Variants in FANCM observed in about 807,000 individuals in gnomAD.
The protein encoded by FANCM is Fanconi anemia group M protein.
In FANCM, 140 loss-of-function variants were observed where a neutral mutation model predicts 199.5. The ratio of observed to expected loss-of-function variants is 0.70; its 90% CI spans 0.61 to 0.81. The LOEUF (loss-of-function observed/expected upper bound fraction) is 0.81. Ranked by LOEUF, FANCM falls within the 30% of genes least tolerant of loss-of-function variation. FANCM has a pLI of 0.00. For synonymous variants in FANCM, 840 were observed against 836.8 expected, an observed-to-expected ratio of 1.00 and a Z score of -0.07; for missense variants, 2,410 against 2,421.4, an observed-to-expected ratio of 1.00 and a Z score of 0.10.
At chr14:45,172,075 G>A (rs111900704) in intron 12 of FANCM, among the ~76,000 whole-genome samples, 5 of 152,018 alleles carry the variant, frequency 3.3e-5, no homozygotes, top group African/African-American at 1.2e-4. Context: ...AGGTGGTATT[G>A]TATTGTGGTT....
intron 4 of FANCM, among the ~76,000 whole-genome samples, chr14:45,150,257 T>C (rs532952294): frequency 2.0e-4 from 31 of 152,350 alleles, no homozygotes; most frequent in African/African-American, 7.5e-4. Flanking sequence ...AGTTAAGATA[T>C]GGCAAAGTCT....
At chr14:45,158,729 T>G (rs1353400241) in intron 8 of FANCM, among the ~76,000 whole-genome samples, 1 of 152,204 alleles carries the variant, frequency 6.6e-6, no homozygotes, top group Non-Finnish European at 1.5e-5. Flanking sequence ...TTGATTTGTT[T>G]AGGATTTTAT....
In FANCM at chr14:45,140,799, G is replaced by C. The variant is rs1390191851; in HGVS notation, c.759+90G>C. On this transcript the variant is annotated intron_variant, in intron 3 of 22. Coordinates refer to ENST00000267430, the MANE Select transcript of FANCM (RefSeq NM_020937.4). ...GTCATACCTGTAATCCTAGTGCTTTGGGAGGTGGAGATGGGAGGATCACTT... is the reference window on the plus strand; with the variant it reads ...GTCATACCTGTAATCCTAGTGCTTTCGGAGGTGGAGATGGGAGGATCACTT... 4 of 842,898 alleles carry C rather than the reference G, an allele frequency of 4.7e-6. No individual in the cohort carries two copies. In the African/African-American group the frequency reaches 6.7e-5, roughly 14 times the overall value. The allele number at this position is 842,898 out of a possible 1,614,324, so 52.2% of individuals were successfully genotyped here.
intron 20 of FANCM, among the ~76,000 whole-genome samples, chr14:45,192,842 A>T (rs1314527037): frequency 3.3e-5 from 5 of 151,564 alleles, no homozygotes; most frequent in East Asian, 3.9e-4. Flanking sequence ...AAAAAAAATT[A>T]AAAAAAAATT....
At chr14:45,155,558 C>G (rs966336869) in intron 8 of FANCM, 99 bp downstream of exon 8, 19 of 679,890 alleles carry the variant, frequency 2.8e-5, no homozygotes, top group Non-Finnish European at 8.1e-6. Context: ...GTAATCCCAG[C>G]ACTTTGGGAG....
intron 14 of FANCM, among the ~76,000 whole-genome samples, chr14:45,179,338 C>T (rs763276046): frequency 1.4e-4 from 22 of 152,212 alleles, no homozygotes; most frequent in Non-Finnish European, 1.3e-4. Context: ...ATAATATTTT[C>T]CTGGCTGTTC....
chr14:45,148,191 C>T (rs1294301329), intron 3 of FANCM, among the ~76,000 whole-genome samples: 4 of 121,006 alleles, frequency 3.3e-5, no homozygotes, highest in Admixed American at 1.7e-4. Context: ...AACGAGGCAC[C>T]GTCTCAAAAA....
intron 20 of FANCM, among the ~76,000 whole-genome samples, chr14:45,194,316 CA>C (rs1168921903): frequency 2.7e-5 from 4 of 146,380 alleles, no homozygotes; most frequent in African/African-American, 7.5e-5. Context: ...AAAAAAAAAA[CA>C]AAAAAAAACC....
chr14:45,148,900 C>T lies in FANCM; in HGVS notation c.823C>T (p.Pro275Ser), dbSNP rs1886621722. ...GATAGAGCTTCGTTCTGAAGATTCTCCAGATATTTTGACATATTCTCATGA... is the reference window on the plus strand; with the variant it reads ...GATAGAGCTTCGTTCTGAAGATTCTTCAGATATTTTGACATATTCTCATGA... ...GQIELRSEDS[P>S]DILTYSHERK... is the part of the protein sequence containing the mutation. Residue 275 changes from proline to serine, a missense_variant, in exon 4 of 23, where the codon CCA becomes TCA. Coordinates refer to ENST00000267430, the MANE Select transcript of FANCM (RefSeq NM_020937.4). The T allele has an allele frequency of 1.9e-6, 3 of 1,610,444 alleles. No homozygotes were observed. The highest frequency in any genetic ancestry group is 2.5e-6 in the Non-Finnish European group (3 of 1,176,826).
intron 20 of FANCM, among the ~76,000 whole-genome samples, chr14:45,191,641 G>T (rs187776782): frequency 6.6e-6 from 1 of 152,314 alleles, no homozygotes; most frequent in Admixed American, 6.5e-5. Flanking sequence ...GTAGGGCTTA[G>T]TGGAAAAAGT....
intron 16 of FANCM, among the ~76,000 whole-genome samples, chr14:45,183,339 T>G (rs1889183721): frequency 6.6e-6 from 1 of 152,182 alleles, no homozygotes; most frequent in Non-Finnish European, 1.5e-5. Context: ...AGTCAAAACT[T>G]GTTATTGTTT....
At chr14:45,168,267 A>G (rs1301954750) in intron 11 of FANCM, among the ~76,000 whole-genome samples, 1 of 152,174 alleles carries the variant, frequency 6.6e-6, no homozygotes, top group Non-Finnish European at 1.5e-5. Flanking sequence ...AACTTAATAC[A>G]AATGCACTTA....
intron 3 of FANCM, among the ~76,000 whole-genome samples, chr14:45,148,528 A>T (rs1886590397): frequency 6.6e-6 from 1 of 152,166 alleles, no homozygotes; most frequent in South Asian, 2.1e-4. Context: ...GAGTCTTTAT[A>T]AAGACTCTAT....
At chr14:45,193,596 G>A (rs1236754156) in intron 20 of FANCM, among the ~76,000 whole-genome samples, 1 of 152,168 alleles carries the variant, frequency 6.6e-6, no homozygotes, top group African/African-American at 2.4e-5. Context: ...TGTTGTTGGT[G>A]GTGCATGGCT....
chr14:45,188,141 C>G (rs1191709122), intron 19 of FANCM, among the ~76,000 whole-genome samples: 1 of 152,142 alleles, frequency 6.6e-6, no homozygotes, highest in Non-Finnish European at 1.5e-5. Flanking sequence ...GAGTTCAAGA[C>G]CAGCCTGGCC....
intron 3 of FANCM, among the ~76,000 whole-genome samples, chr14:45,148,192 G>A (rs988557120): frequency 3.3e-5 from 4 of 119,852 alleles, no homozygotes; most frequent in Admixed American, 1.7e-4. Flanking sequence ...ACGAGGCACC[G>A]TCTCAAAAAC....
intron 18 of FANCM, among the ~76,000 whole-genome samples, chr14:45,186,789 G>A (rs1476012122): frequency 6.6e-6 from 1 of 152,158 alleles, no homozygotes; most frequent in East Asian, 1.9e-4. Context: ...TGTTGTGACT[G>A]GAATGAGGGA....
At chr14:45,154,644 ATT>A in intron 6 of FANCM, 51 bp from the exon 7 acceptor site, 1 of 1,159,884 alleles carries the variant, frequency 8.6e-7, no homozygotes, top group Non-Finnish European at 1.2e-6. Context: ...TAAATAATAC[ATT>A]TTATCAGTTT....
chr14:45,199,796 G>A, intron 22 of FANCM, 74 bp from the exon 23 acceptor site: 5 of 1,308,902 alleles, frequency 3.8e-6, no homozygotes, highest in Middle Eastern at 2.1e-4. Context: ...TGTGTTTGGT[G>A]TTCTTTAGGT....
Sources: allele counts gnomAD v4.1 joint callset (sites outside exome capture counted in the v4.1 genomes callset), GRCh38; gene constraint gnomAD v4.1.1; transcripts MANE v1.5; gene names NCBI Gene and HGNC (gene_info 2026-07-23, HGNC 2026-07-21).